The following RUNX1 variants were observed in gnomAD, a reference collection of about 807,000 sequenced individuals.
The protein encoded by RUNX1 is RUNX family transcription factor 1.
A neutral mutation model predicts 42.8 loss-of-function variants in RUNX1; 19 were observed. The ratio of observed to expected loss-of-function variants is 0.44; its 90% CI spans 0.31 to 0.65. The LOEUF (loss-of-function observed/expected upper bound fraction) is 0.65. Ranked by LOEUF, RUNX1 falls within the 30% of genes least tolerant of loss-of-function variation. RUNX1 has a pLI of 0.07. For missense variants in RUNX1, 528 were observed against 672.0 expected, an observed-to-expected ratio of 0.79 and a Z score of 2.37; for synonymous variants, 271 against 289.4, an observed-to-expected ratio of 0.94 and a Z score of 0.64.
chr21:34,925,334 T>C (rs559987645), intron 2 of RUNX1, among the ~76,000 whole-genome samples: 2 of 152,350 alleles, frequency 1.3e-5, no homozygotes, highest in Admixed American at 1.3e-4. Flanking sequence ...TCCTAATCTC[T>C]GGTACTTGTG....
chr21:34,903,708 A>G (rs542296613), intron 2 of RUNX1, among the ~76,000 whole-genome samples: 25 of 152,338 alleles, frequency 1.6e-4, no homozygotes, highest in Non-Finnish European at 3.4e-4. Context: ...AGGCACTCGG[A>G]TAAGATGGCA....
At chr21:34,894,015 G>A (rs780367082) in intron 2 of RUNX1, among the ~76,000 whole-genome samples, 20 of 152,152 alleles carry the variant, frequency 1.3e-4, no homozygotes, top group Non-Finnish European at 2.5e-4. Flanking sequence ...TGGTTCACAA[G>A]TAGATAAAAT....
intron 2 of RUNX1, among the ~76,000 whole-genome samples, chr21:35,042,118 T>C (rs1349446370): frequency 1.3e-5 from 2 of 152,194 alleles, no homozygotes; most frequent in Non-Finnish European, 2.9e-5. Flanking sequence ...CTATTGCTCA[T>C]TCTAACTTGA....
chr21:34,930,044 C>T (rs1214030569), intron 2 of RUNX1, among the ~76,000 whole-genome samples: 1 of 150,648 alleles, frequency 6.6e-6, no homozygotes, highest in East Asian at 1.9e-4. Flanking sequence ...CTTTCTCTCT[C>T]TCCATATATA....
chr21:34,928,788 G>GT (rs1202047246), intron 2 of RUNX1, among the ~76,000 whole-genome samples: 1 of 152,006 alleles, frequency 6.6e-6, no homozygotes, highest in African/African-American at 2.4e-5. Flanking sequence ...AAACAGTAGT[G>GT]TTTTTTGTTA....
At chr21:34,960,083 G>A (rs183739119) in intron 2 of RUNX1, among the ~76,000 whole-genome samples, 4 of 152,256 alleles carry the variant, frequency 2.6e-5, no homozygotes, top group African/African-American at 9.6e-5. Context: ...CACAGGCAGG[G>A]GTCCAGCACC....
chr21:34,942,854 G>C (rs951684656), intron 2 of RUNX1, among the ~76,000 whole-genome samples: 1 of 152,182 alleles, frequency 6.6e-6, no homozygotes, highest in Admixed American at 6.5e-5. Flanking sequence ...AAAAGAGTGA[G>C]GCAGCAAGTG....
At chr21:35,014,469 C>T (rs2242885) in intron 2 of RUNX1, among the ~76,000 whole-genome samples, 35,262 of 152,058 alleles carry the variant, frequency 0.23, 4,346 homozygotes, top group Non-Finnish European at 0.28. Flanking sequence ...CATTTCATAA[C>T]GCATGAGTCT....
chr21:34,969,568 C>G (rs1430999722), intron 2 of RUNX1, among the ~76,000 whole-genome samples: 3 of 152,132 alleles, frequency 2.0e-5, no homozygotes, highest in Non-Finnish European at 4.4e-5. Context: ...GTAGATCAAA[C>G]AGCGAGAGGC....
chr21:34,958,259 A>C (rs1460911016), intron 2 of RUNX1, among the ~76,000 whole-genome samples: 1 of 152,150 alleles, frequency 6.6e-6, no homozygotes, highest in East Asian at 1.9e-4. Context: ...CCTCCCCTAC[A>C]GAGGCTCAGT....
At chr21:34,999,959 C>G (rs2059027961) in intron 2 of RUNX1, among the ~76,000 whole-genome samples, 2 of 152,156 alleles carry the variant, frequency 1.3e-5, no homozygotes, top group Non-Finnish European at 2.9e-5. Context: ...CTTTATCGGG[C>G]TGAACGAGAT....
At chr21:35,010,614 T>C (rs905469426) in intron 2 of RUNX1, among the ~76,000 whole-genome samples, 18 of 147,320 alleles carry the variant, frequency 1.2e-4, no homozygotes, top group African/African-American at 3.6e-4. Context: ...CTACCGTGAG[T>C]ACACACACAC....
At chr21:34,975,676 G>T (rs2058796458) in intron 2 of RUNX1, among the ~76,000 whole-genome samples, 1 of 152,154 alleles carries the variant, frequency 6.6e-6, no homozygotes, top group African/African-American at 2.4e-5. Flanking sequence ...AGCTGTGTGG[G>T]TTTAGAAGAG....
chr21:34,874,712 ATATGTTCTTCTT>A (rs2057790045), intron 5 of RUNX1, among the ~76,000 whole-genome samples: 1 of 151,710 alleles, frequency 6.6e-6, no homozygotes, highest in Non-Finnish European at 1.5e-5. Context: ...GAAACACAGA[ATATGTTCTTCTT>A]TAGCCAACCT....
At chr21:34,811,775 T>C (rs1480884211) in intron 7 of RUNX1, among the ~76,000 whole-genome samples, 1 of 152,210 alleles carries the variant, frequency 6.6e-6, no homozygotes, top group Admixed American at 6.5e-5. Flanking sequence ...CTGTCTTTAC[T>C]GTCTGTTCTG....
chr21:34,960,351 G>C (rs1255303175), intron 2 of RUNX1, among the ~76,000 whole-genome samples: 1 of 152,142 alleles, frequency 6.6e-6, no homozygotes, highest in Non-Finnish European at 1.5e-5. Flanking sequence ...GGTCCCAAAG[G>C]CTCCCCTGCA....
At chr21:34,932,331 A>G (rs1406030943) in intron 2 of RUNX1, among the ~76,000 whole-genome samples, 2 of 152,146 alleles carry the variant, frequency 1.3e-5, no homozygotes, top group Non-Finnish European at 2.9e-5. Flanking sequence ...GACAAGTTAT[A>G]TTTTATACAT....
intron 2 of RUNX1, among the ~76,000 whole-genome samples, chr21:35,046,227 C>A (rs2059395161): frequency 1.3e-5 from 2 of 152,196 alleles, no homozygotes; most frequent in Admixed American, 6.5e-5. Flanking sequence ...CTGTGGTAGA[C>A]CACATCAATT....
At chr21:34,872,312 T>G (rs1349147309) in intron 5 of RUNX1, among the ~76,000 whole-genome samples, 2 of 152,270 alleles carry the variant, frequency 1.3e-5, no homozygotes, top group East Asian at 3.9e-4. Flanking sequence ...TGTGTGACAT[T>G]CATGAGGGGG....
Sources: gnomAD v4.1 joint callset for allele counts (sites outside exome capture counted in the v4.1 genomes callset) on GRCh38, gnomAD v4.1.1 for gene constraint, MANE v1.5 for transcripts, NCBI Gene and HGNC (gene_info 2026-07-23, HGNC 2026-07-21) for gene names.